Variants in CACNA2D1 observed in about 807,000 individuals in gnomAD.
The protein encoded by CACNA2D1 is calcium voltage-gated channel auxiliary subunit alpha2delta 1.
Under a neutral mutation model 171.5 loss-of-function variants are expected in CACNA2D1, and 53 were observed. The observed-to-expected ratio is 0.31, with a 90% CI of 0.25 to 0.39. The LOEUF is 0.39. Among genes scored for constraint, CACNA2D1 ranks in the 10% least tolerant of loss-of-function variants. The pLI is 1.00. For missense variants in CACNA2D1, 903 were observed against 1,299.8 expected, an observed-to-expected ratio of 0.69 and a Z score of 4.69; for synonymous variants, 442 against 443.1, an observed-to-expected ratio of 1.00 and a Z score of 0.03.
chr7:82,116,566 G>T (rs1789067172), intron 6 of CACNA2D1, among the ~76,000 whole-genome samples: 1 of 152,066 alleles, frequency 6.6e-6, no homozygotes, highest in African/African-American at 2.4e-5. Context: ...CTAGGGTAAG[G>T]CAGAAAAACA....
At chr7:82,057,131 A>G (rs1805998426) in intron 10 of CACNA2D1, among the ~76,000 whole-genome samples, 1 of 152,190 alleles carries the variant, frequency 6.6e-6, no homozygotes, top group South Asian at 2.1e-4. Flanking sequence ...ACTGCTAATA[A>G]TAATTTTTTA....
At chr7:82,403,395 G>A (rs13227899) in intron 1 of CACNA2D1, among the ~76,000 whole-genome samples, 47 of 152,176 alleles carry the variant, frequency 3.1e-4, no homozygotes, top group South Asian at 1.2e-3. Context: ...CTTTTTGGTC[G>A]GTTGTAAAGT....
chr7:82,062,524 C>A (rs367954894), intron 9 of CACNA2D1, among the ~76,000 whole-genome samples: 1 of 151,280 alleles, frequency 6.6e-6, no homozygotes, highest in Admixed American at 6.6e-5. Flanking sequence ...TTAATTTCTA[C>A]AATTATTTTT....
chr7:82,022,340 T>A (rs1025144853), intron 12 of CACNA2D1, among the ~76,000 whole-genome samples: 1 of 151,796 alleles, frequency 6.6e-6, no homozygotes, highest in Admixed American at 6.6e-5. Context: ...TCACAGTAAC[T>A]CCAGAATAAA....
intron 3 of CACNA2D1, among the ~76,000 whole-genome samples, chr7:82,202,919 T>A (rs1449146472): frequency 6.6e-6 from 1 of 151,972 alleles, no homozygotes; most frequent in African/African-American, 2.4e-5. Context: ...TTTGGCCAGG[T>A]TGACAGAGAG....
In CACNA2D1 at chr7:82,136,636, T is replaced by C; in HGVS notation, c.395A>G (p.Asp132Gly). 1.3e-6 allele frequency: 2 copies of C among 1,589,128 alleles called. No homozygotes were observed. Among genetic ancestry groups the C allele is most frequent in the Non-Finnish European group, 1.7e-6 (2 of 1,164,476 alleles). ...VVYYNAKDDL[D>G]PEKNDSEPGS... ...TAATGGAAAACATTTAATACTCACATCGAGATCATCCTTTGCATTGTAGTA... is the reference window on the plus strand; with the variant it reads ...TAATGGAAAACATTTAATACTCACACCGAGATCATCCTTTGCATTGTAGTA... The change falls in exon 5 of 39, where the codon GAT (aspartate) becomes GGT (glycine). Residue 132 changes from aspartate to glycine, a missense_variant and splice_region_variant. Around this residue, in one of 5 missense-constraint regions of CACNA2D1, gnomAD observed 189 missense variants for 266.8 expected, o/e 0.71. Transcript: ENST00000356860.
intron 1 of CACNA2D1, among the ~76,000 whole-genome samples, chr7:82,433,589 G>C (rs1402874692): frequency 1.3e-5 from 2 of 152,070 alleles, no homozygotes; most frequent in African/African-American, 4.8e-5. Context: ...GTTTAGTCTT[G>C]ATCCCTTCCT....
At chr7:82,341,481 TA>T (rs1818628254) in intron 2 of CACNA2D1, among the ~76,000 whole-genome samples, 1 of 152,194 alleles carries the variant, frequency 6.6e-6, no homozygotes, top group Admixed American at 6.5e-5. Context: ...AATTTTGCCA[TA>T]AAAATTATTT....
intron 3 of CACNA2D1, among the ~76,000 whole-genome samples, chr7:82,329,079 CACTGCTG>C (rs1816980120): frequency 6.6e-6 from 1 of 151,832 alleles, no homozygotes; most frequent in South Asian, 2.1e-4. Flanking sequence ...ATGTTACTGG[CACTGCTG>C]ACAAATAGAA....
chr7:81,955,214 T>C (rs1793084554), intron 38 of CACNA2D1, among the ~76,000 whole-genome samples: 1 of 152,084 alleles, frequency 6.6e-6, no homozygotes, highest in Admixed American at 6.6e-5. Flanking sequence ...TTCCGGACTC[T>C]ACCGGGTATA....
chr7:82,325,451 T>A (rs980211350), intron 3 of CACNA2D1, among the ~76,000 whole-genome samples: 1 of 151,472 alleles, frequency 6.6e-6, no homozygotes, highest in Non-Finnish European at 1.5e-5. Flanking sequence ...GAGAGCCCAG[T>A]AGAGCATTAA....
At position 82,166,750 on chromosome 7, in the gene CACNA2D1, T is replaced by C. The variant is rs564454417; in HGVS notation, c.354+3800A>G. Among the ~76,000 whole-genome samples, 22 of 152,152 alleles carry C rather than the reference T, an allele frequency of 1.4e-4. No homozygotes were observed. The South Asian group carries it at 1.9e-3, about 13-fold the overall frequency. ...AGACCTAGCAGGCAGCTGGTAGACA[T>C]AGCTTATTTACAAATATTAGTTTGA... On this transcript the variant is annotated intron_variant, in intron 4 of 38. Transcript: ENST00000356860.
intron 4 of CACNA2D1, among the ~76,000 whole-genome samples, chr7:82,139,670 G>A (rs1008188377): frequency 6.6e-6 from 1 of 151,896 alleles, no homozygotes; most frequent in Non-Finnish European, 1.5e-5. Context: ...CAAACGCTGA[G>A]TTTTTAAGTA....
At chr7:81,983,580 T>C (rs1796654580) in intron 22 of CACNA2D1, among the ~76,000 whole-genome samples, 1 of 152,156 alleles carries the variant, frequency 6.6e-6, no homozygotes, top group East Asian at 1.9e-4. Context: ...CAAGGGTCTG[T>C]TTTGCAAAGT....
chr7:81,953,893 A>T (rs1045997919), intron 38 of CACNA2D1, among the ~76,000 whole-genome samples: 1 of 151,992 alleles, frequency 6.6e-6, no homozygotes, highest in Non-Finnish European at 1.5e-5. Flanking sequence ...TTTATATATA[A>T]TTTTTGTTTA....
chr7:82,133,463 G>A (rs1332503845), intron 5 of CACNA2D1, among the ~76,000 whole-genome samples: 1 of 152,148 alleles, frequency 6.6e-6, no homozygotes, highest in African/African-American at 2.4e-5. Flanking sequence ...AGGAAATAAT[G>A]TCTCTGTACC....
chr7:82,266,508 A>G (rs1807871379), intron 3 of CACNA2D1, among the ~76,000 whole-genome samples: 1 of 152,090 alleles, frequency 6.6e-6, no homozygotes, highest in East Asian at 1.9e-4. Flanking sequence ...TCTACTGGCA[A>G]GAAAGGTTTT....
At position 81,964,293 on chromosome 7, in the gene CACNA2D1, C is replaced by A; in HGVS notation, c.2641G>T (p.Ala881Ser). 1 of 1,612,168 alleles carries A rather than the reference C, an allele frequency of 6.2e-7. No individual in the cohort carries two copies. Among genetic ancestry groups the A allele is most frequent in the Non-Finnish European group, 8.5e-7 (1 of 1,178,740 alleles). ...TGATAATCATAAGATTTGTTAAAAG[C>A]ATAAACTGATATATTAACCAGGTGT... Reference protein sequence around the residue: ...MRHLVNISVYAFNKSYDYQSV... With the variant: ...MRHLVNISVYSFNKSYDYQSV... The change falls in exon 33 of 39, where the codon GCT becomes TCT. Residue 881 changes from alanine to serine, a missense_variant. Coordinates refer to ENST00000356860, the MANE Select transcript of CACNA2D1 (RefSeq NM_000722.4).
At chr7:81,963,342 C>T (rs987645986) in intron 34 of CACNA2D1, among the ~76,000 whole-genome samples, 1 of 151,458 alleles carries the variant, frequency 6.6e-6, no homozygotes, top group African/African-American at 2.4e-5. Flanking sequence ...GCTAACAATA[C>T]AGTGTGATGA....
Sources: gnomAD v4.1 joint callset for allele counts (sites outside exome capture counted in the v4.1 genomes callset) on GRCh38, gnomAD v4.1.1 for gene constraint, gnomAD v4.1.1 regional missense constraint, MANE v1.5 for transcripts, NCBI Gene and HGNC (gene_info 2026-07-23, HGNC 2026-07-21) for gene names.